CSMD1: variants seen among roughly 807,000 people sequenced by gnomAD.
The protein encoded by CSMD1 is CUB and Sushi multiple domains 1, also known as CUB and sushi domain-containing protein 1.
Under a neutral mutation model 417.5 loss-of-function variants are expected in CSMD1, and 213 were observed. The ratio of observed to expected loss-of-function variants is 0.51; its 90% CI spans 0.46 to 0.57. CSMD1 has a LOEUF of 0.57. CSMD1 is among the 20% of genes least tolerant of loss of function. The pLI, the probability that CSMD1 is intolerant of heterozygous loss-of-function variation, is 0.00. For synonymous variants in CSMD1, 2,862 were observed against 1,736.8 expected (o/e 1.65, Z -16.11); for missense variants, 6,923 against 4,529.7 (o/e 1.53, Z -15.17).
chr8:3,241,318 G>A (rs1051539738), intron 26 of CSMD1, among the ~76,000 whole-genome samples: 1 of 151,418 alleles, frequency 6.6e-6, no homozygotes, highest in African/African-American at 2.4e-5. Flanking sequence ...AACAGTTATG[G>A]AGGCAAGGGA....
intron 7 of CSMD1, among the ~76,000 whole-genome samples, chr8:3,671,697 C>G (rs752148172): frequency 2.0e-5 from 3 of 151,324 alleles, no homozygotes; most frequent in Non-Finnish European, 4.4e-5. Context: ...TTGGGAGCCT[C>G]TTCATCTTAT....
At chr8:3,437,600 C>T (rs1305433602) in intron 12 of CSMD1, among the ~76,000 whole-genome samples, 4 of 152,132 alleles carry the variant, frequency 2.6e-5, no homozygotes, top group African/African-American at 9.7e-5. Flanking sequence ...GTTATTTATC[C>T]TTCAGAGTAG....
At chr8:4,932,361 C>G (rs1459574114) in intron 1 of CSMD1, among the ~76,000 whole-genome samples, 1 of 151,522 alleles carries the variant, frequency 6.6e-6, no homozygotes, top group Non-Finnish European at 1.5e-5. Context: ...CACTCAAAGT[C>G]TGATTTCAGA....
intron 3 of CSMD1, among the ~76,000 whole-genome samples, chr8:4,368,918 G>T (rs963509269): frequency 2.0e-5 from 3 of 151,884 alleles, no homozygotes; most frequent in African/African-American, 7.3e-5. Flanking sequence ...TGGTTTTATT[G>T]ATCTCTTATA....
intron 5 of CSMD1, among the ~76,000 whole-genome samples, chr8:3,826,446 G>C (rs1585053019): frequency 6.6e-6 from 1 of 152,162 alleles, no homozygotes; most frequent in African/African-American, 2.4e-5. Flanking sequence ...GGCTTCCCTT[G>C]CTCCCGGCCT....
chr8:4,757,836 G>T (rs1811763128), intron 1 of CSMD1, among the ~76,000 whole-genome samples: 1 of 151,490 alleles, frequency 6.6e-6, no homozygotes, highest in South Asian at 2.1e-4. Context: ...GCGCACACCT[G>T]TAATCCCAGC....
intron 25 of CSMD1, among the ~76,000 whole-genome samples, chr8:3,305,653 A>C (rs545882800): frequency 2.0e-5 from 3 of 152,242 alleles, no homozygotes; most frequent in African/African-American, 7.2e-5. Flanking sequence ...AGAACTGTTA[A>C]GAAACTAAAC....
At chr8:3,892,429 G>A (rs1164009459) in intron 5 of CSMD1, among the ~76,000 whole-genome samples, 1 of 152,122 alleles carries the variant, frequency 6.6e-6, no homozygotes, top group Non-Finnish European at 1.5e-5. Context: ...CAAAGCTTGT[G>A]AAGTGACAGG....
intron 1 of CSMD1, among the ~76,000 whole-genome samples, chr8:4,781,237 G>A (rs367666570): frequency 1.2e-4 from 19 of 152,314 alleles, no homozygotes; most frequent in South Asian, 1.0e-3. Context: ...GAGGCACAAT[G>A]GCTAAGCATG....
chr8:3,148,946 A>G (rs1819018302), intron 40 of CSMD1, among the ~76,000 whole-genome samples: 1 of 152,246 alleles, frequency 6.6e-6, no homozygotes, highest in South Asian at 2.1e-4. Context: ...GCTAGGGATA[A>G]TACTTTTCAT....
chr8:4,055,352 T>C (rs1170533088), intron 3 of CSMD1, among the ~76,000 whole-genome samples: 4 of 152,132 alleles, frequency 2.6e-5, no homozygotes, highest in African/African-American at 7.2e-5. Flanking sequence ...AAATATCCTT[T>C]TTATAATTAT....
intron 5 of CSMD1, among the ~76,000 whole-genome samples, chr8:3,876,907 T>C (rs1219141691): frequency 6.6e-6 from 1 of 152,224 alleles, no homozygotes; most frequent in Non-Finnish European, 1.5e-5. Context: ...TGATCCACTC[T>C]GTCCAGCCTC....
At chr8:3,318,646 G>C (rs1805944474) in intron 23 of CSMD1, among the ~76,000 whole-genome samples, 1 of 152,206 alleles carries the variant, frequency 6.6e-6, no homozygotes, top group African/African-American at 2.4e-5. Flanking sequence ...GGGACTCAGA[G>C]TTTAATTGGA....
At chr8:3,077,249 G>C (rs149348040) in intron 49 of CSMD1, among the ~76,000 whole-genome samples, 1 of 152,154 alleles carries the variant, frequency 6.6e-6, no homozygotes, top group Non-Finnish European at 1.5e-5. Flanking sequence ...TGCACAAATA[G>C]GAAATCAAAG....
chr8:3,522,616 G>C (rs1224510368), intron 10 of CSMD1, among the ~76,000 whole-genome samples: 1 of 151,992 alleles, frequency 6.6e-6, no homozygotes, highest in African/African-American at 2.4e-5. Context: ...ACTCCAAGAA[G>C]GGTAGATGAT....
chr8:4,854,537 T>C (rs200783657), intron 1 of CSMD1, among the ~76,000 whole-genome samples: 7 of 152,066 alleles, frequency 4.6e-5, no homozygotes, highest in South Asian at 4.2e-4. Flanking sequence ...AGACAGTGGG[T>C]GCAGGTCAGT....
At chr8:4,372,933 A>C (rs1398972963) in intron 3 of CSMD1, among the ~76,000 whole-genome samples, 1 of 152,246 alleles carries the variant, frequency 6.6e-6, no homozygotes, top group Non-Finnish European at 1.5e-5. Flanking sequence ...AGTAGCACAT[A>C]GTGATTTGCT....
At chr8:3,896,268 G>A (rs901902058) in intron 5 of CSMD1, among the ~76,000 whole-genome samples, 1 of 152,152 alleles carries the variant, frequency 6.6e-6, no homozygotes, top group Non-Finnish European at 1.5e-5. Flanking sequence ...TCCAGAACTT[G>A]TATCTGTCTA....
At chr8:3,966,732 GACAC>G (rs34929035) in intron 5 of CSMD1, among the ~76,000 whole-genome samples, 233 of 149,132 alleles carry the variant, frequency 1.6e-3, no homozygotes, top group Middle Eastern at 3.5e-3. Context: ...CACACACACA[GACAC>G]ACACACACAC....
Sources: gnomAD v4.1 joint callset for allele counts (sites outside exome capture counted in the v4.1 genomes callset) on GRCh38, gnomAD v4.1.1 for gene constraint, MANE v1.5 for transcripts, NCBI Gene and HGNC (gene_info 2026-07-23, HGNC 2026-07-21) for gene names.